Variants in PPP1R12B observed in about 807,000 individuals in gnomAD.
PPP1R12B encodes the protein myosin phosphatase target subunit 2.
Under a neutral mutation model 126.1 loss-of-function variants are expected in PPP1R12B, and 76 were observed. The observed-to-expected ratio is 0.60, with a 90% CI of 0.50 to 0.73. The LOEUF is 0.73. Among genes scored for constraint, PPP1R12B ranks in the 30% least tolerant of loss-of-function variants. The pLI is 0.00. For missense variants in PPP1R12B, 1,052 were observed against 1,205.1 expected, an observed-to-expected ratio of 0.87 and a Z score of 1.88; for synonymous variants, 356 against 434.7, an observed-to-expected ratio of 0.82 and a Z score of 2.25.
At chr1:202,543,717 A>G (rs1402476086) in intron 18 of PPP1R12B, among the ~76,000 whole-genome samples, 1 of 152,208 alleles carries the variant, frequency 6.6e-6, no homozygotes, top group East Asian at 1.9e-4. Flanking sequence ...AGCCTGGGCA[A>G]CAAGAGCGAA....
chr1:202,560,303 G>A (rs962709033), intron 19 of PPP1R12B, among the ~76,000 whole-genome samples: 2 of 152,180 alleles, frequency 1.3e-5, no homozygotes, highest in East Asian at 1.9e-4. Context: ...TGGATCTCAC[G>A]CAAGAAAGAA....
In PPP1R12B at chr1:202,585,419, A is replaced by ACAT. The variant is rs935376559; in HGVS notation, c.*4861_*4863dup. 1 of 152,292 alleles carries ACAT rather than the reference A, an allele frequency of 6.6e-6. No homozygotes were observed. Among genetic ancestry groups the ACAT allele is most frequent in the African/African-American group, 2.4e-5 (1 of 41,486 alleles). 9.4% of individuals were successfully genotyped at this position (152,292 alleles called of 1,614,324 possible). On this transcript the variant is annotated 3_prime_UTR_variant, in exon 24 of 24. Transcript: ENST00000608999. Reference sequence around the variant, plus strand: ...AAAAGATAAGACCCTAGAAGTCAGAACATCTGTATTCCAAGGCCACCCCTT... The same window carrying ACAT: ...AAAAGATAAGACCCTAGAAGTCAGAACATCATCTGTATTCCAAGGCCACCCCTT...
intron 18 of PPP1R12B, among the ~76,000 whole-genome samples, chr1:202,509,701 A>G (rs1334305121): frequency 6.6e-6 from 1 of 152,172 alleles, no homozygotes; most frequent in East Asian, 1.9e-4. Flanking sequence ...TTAGGAGTAG[A>G]TTATGGAATT....
intron 1 of PPP1R12B, among the ~76,000 whole-genome samples, chr1:202,371,579 G>T (rs1251096031): frequency 1.3e-5 from 2 of 151,548 alleles, no homozygotes; most frequent in East Asian, 3.9e-4. Flanking sequence ...ATGTTTTCTG[G>T]ATATAAGTCC....
chr1:202,534,563 C>CTTTTTTTTTTTTTTTTTTTTTTTT (rs34606007), intron 18 of PPP1R12B, among the ~76,000 whole-genome samples: 1 of 132,948 alleles, frequency 7.5e-6, no homozygotes. Flanking sequence ...CTAGCTTTCC[C>CTTTTTTTTTTTTTTTTTTTTTTTT]TTTTTTTTTT....
At position 202,591,750 on chromosome 1, in the gene PPP1R12B, G is replaced by A. The variant is rs1690127043; in HGVS notation, c.*11190G>A. On this transcript the variant is annotated 3_prime_UTR_variant, in exon 24 of 24. Coordinates refer to ENST00000608999, the MANE Select transcript of PPP1R12B (RefSeq NM_002481.4). ...CCACAGACCCTCACACTACAGAGGT[G>A]AGTAAGCAGGGATGGTTCTGTCATC... 1 of 152,734 alleles carries A rather than the reference G, an allele frequency of 6.5e-6. No individual in the cohort carries two copies. Among genetic ancestry groups the A allele is most frequent in the Admixed American group, 6.5e-5 (1 of 15,284 alleles). The allele number at this position is 152,734 out of a possible 1,614,324, so 9.5% of individuals were successfully genotyped here.
chr1:202,569,108 A>C, intron 22 of PPP1R12B, 39 bp from the exon 23 acceptor site: 1 of 1,603,476 alleles, frequency 6.2e-7, no homozygotes, highest in South Asian at 1.1e-5. Flanking sequence ...CTCCCTTCTG[A>C]ATTCAATAAT....
At chr1:202,407,932 A>G (rs527482010) in intron 1 of PPP1R12B, among the ~76,000 whole-genome samples, 1 of 152,306 alleles carries the variant, frequency 6.6e-6, no homozygotes, top group Admixed American at 6.5e-5. Context: ...TAAAAATAAT[A>G]CAAATAAAAA....
chr1:202,550,680 A>G (rs1313254444), intron 18 of PPP1R12B, among the ~76,000 whole-genome samples: 4 of 152,204 alleles, frequency 2.6e-5, no homozygotes, highest in Non-Finnish European at 5.9e-5. Flanking sequence ...AATGTGAGAA[A>G]TGTGACCCAT....
intron 1 of PPP1R12B, among the ~76,000 whole-genome samples, chr1:202,365,071 GT>G (rs200942505): frequency 1.3e-5 from 2 of 151,860 alleles, no homozygotes; most frequent in Non-Finnish European, 2.9e-5. Flanking sequence ...ATATTAATTG[GT>G]TTTTTTTCCT....
intron 12 of PPP1R12B, among the ~76,000 whole-genome samples, chr1:202,446,213 A>ACTCTCTCTCTCTCTCTCTCT (rs3077313): frequency 1.1e-4 from 7 of 64,528 alleles, no homozygotes; most frequent in Non-Finnish European, 2.0e-4. Flanking sequence ...ATATTATATT[A>ACTCTCTCTCTCTCTCTCTCT]CTCTCTCTCT....
chr1:202,371,208 A>G (rs1288604716), intron 1 of PPP1R12B, among the ~76,000 whole-genome samples: 4 of 135,174 alleles, frequency 3.0e-5, no homozygotes, highest in African/African-American at 5.6e-5. Context: ...TTTTGTAGAG[A>G]CAGAGTCCTG....
At chr1:202,482,045 T>C (rs1391024055) in intron 13 of PPP1R12B, among the ~76,000 whole-genome samples, 1 of 152,192 alleles carries the variant, frequency 6.6e-6, no homozygotes, top group Non-Finnish European at 1.5e-5. Context: ...TCCAGGTTCA[T>C]CTGTGTTGTT....
chr1:202,463,247 C>A, intron 13 of PPP1R12B: 1 of 199,992 alleles, frequency 5.0e-6, no homozygotes, highest in Non-Finnish European at 9.0e-6. Flanking sequence ...TGGAACTTCT[C>A]TAGTGTTTCT....
At chr1:202,516,039 C>T (rs2148904527) in intron 18 of PPP1R12B, among the ~76,000 whole-genome samples, 1 of 152,340 alleles carries the variant, frequency 6.6e-6, no homozygotes, top group Admixed American at 6.5e-5. Flanking sequence ...TATATACTCC[C>T]TGTGTCTCAG....
intron 19 of PPP1R12B, among the ~76,000 whole-genome samples, chr1:202,561,517 T>C (rs1162686353): frequency 6.6e-6 from 1 of 152,188 alleles, no homozygotes; most frequent in African/African-American, 2.4e-5. Flanking sequence ...TATAGAACTA[T>C]GTATTTTAAC....
In PPP1R12B at chr1:202,567,907, C is replaced by T. The variant is rs908817978; in HGVS notation, c.2811+76C>T. The T allele has an allele frequency of 2.6e-6, 4 of 1,529,702 alleles. No homozygotes were observed. The African/African-American group carries it at 5.5e-5, about 21-fold the overall frequency. 94.8% of individuals were successfully genotyped at this position (1,529,702 alleles called of 1,614,324 possible). ...ACTCTCTCCCACTTTGTTATTCATG[C>T]CAATGGAAAAAGTCCATCTTAAGAA... On this transcript the variant is annotated intron_variant, in intron 22 of 23. Transcript: ENST00000608999.
At chr1:202,551,083 T>G (rs1323030477) in intron 18 of PPP1R12B, among the ~76,000 whole-genome samples, 1 of 152,218 alleles carries the variant, frequency 6.6e-6, no homozygotes, top group Non-Finnish European at 1.5e-5. Flanking sequence ...GGTTTTTCTT[T>G]TAAAATATAG....
At chr1:202,513,714 A>G (rs767654282) in intron 18 of PPP1R12B, among the ~76,000 whole-genome samples, 142 of 152,202 alleles carry the variant, frequency 9.3e-4, no homozygotes, top group Non-Finnish European at 1.9e-3. Flanking sequence ...CTGTGGTTCA[A>G]TGTCTCAATG....
Sources: gnomAD v4.1 joint callset for allele counts (sites outside exome capture counted in the v4.1 genomes callset) on GRCh38, gnomAD v4.1.1 for gene constraint, MANE v1.5 for transcripts, NCBI Gene and HGNC (gene_info 2026-07-23, HGNC 2026-07-21) for gene names.